EMCN: variants seen among roughly 807,000 people sequenced by gnomAD.
EMCN encodes endomucin, also known as MUC-14.
Under a neutral mutation model 38.4 loss-of-function variants are expected in EMCN, and 37 were observed. The ratio of observed to expected loss-of-function variants is 0.96; its 90% CI spans 0.74 to 1.27. The LOEUF (loss-of-function observed/expected upper bound fraction) is 1.27. EMCN is among the 50% of genes most tolerant of loss of function. EMCN has a pLI of 0.00. For synonymous variants in EMCN, 95 were observed against 100.8 expected (o/e 0.94, Z 0.35); for missense variants, 318 against 302.8 (o/e 1.05, Z -0.37).
intron 1 of EMCN, among the ~76,000 whole-genome samples, chr4:100,481,906 C>T (rs772582178): frequency 1.4e-5 from 2 of 148,088 alleles, no homozygotes; most frequent in African/African-American, 4.9e-5. Flanking sequence ...TCTTTCCTCC[C>T]TCTTTCCTTC....
At chr4:100,437,992 C>T (rs1037117412) in intron 5 of EMCN, among the ~76,000 whole-genome samples, 3 of 151,896 alleles carry the variant, frequency 2.0e-5, no homozygotes, top group African/African-American at 7.2e-5. Flanking sequence ...TGCTTTTTGA[C>T]ATTTTAACAA....
chr4:100,423,934 G>A (rs934138383), intron 5 of EMCN, among the ~76,000 whole-genome samples: 3 of 151,992 alleles, frequency 2.0e-5, no homozygotes, highest in Non-Finnish European at 4.4e-5. Context: ...CTAAAGTTCA[G>A]CAGCTGGTTT....
At chr4:100,431,174 T>C (rs753548785) in intron 5 of EMCN, among the ~76,000 whole-genome samples, 1 of 152,166 alleles carries the variant, frequency 6.6e-6, no homozygotes, top group Non-Finnish European at 1.5e-5. Flanking sequence ...TTTGTTTTTC[T>C]ATCAGATGTA....
At chr4:100,462,405 C>T (rs542175653) in intron 4 of EMCN, among the ~76,000 whole-genome samples, 1 of 152,214 alleles carries the variant, frequency 6.6e-6, no homozygotes, top group African/African-American at 2.4e-5. Context: ...TCTTAACTGA[C>T]TCATGGGCTG....
intron 1 of EMCN, among the ~76,000 whole-genome samples, chr4:100,495,006 T>TA (rs1729175056): frequency 2.2e-5 from 3 of 134,424 alleles, no homozygotes; most frequent in South Asian, 2.2e-4. Context: ...TAATGTGAAT[T>TA]TAAAAAAAAG....
At chr4:100,514,667 G>T (rs939292013) in intron 1 of EMCN, among the ~76,000 whole-genome samples, 1 of 151,874 alleles carries the variant, frequency 6.6e-6, no homozygotes, top group Non-Finnish European at 1.5e-5. Context: ...ACTTAACTAT[G>T]CCCAAATTGT....
At chr4:100,458,525 T>G (rs1728080676) in intron 4 of EMCN, among the ~76,000 whole-genome samples, 1 of 152,210 alleles carries the variant, frequency 6.6e-6, no homozygotes, top group African/African-American at 2.4e-5. Context: ...TCAACTTGTA[T>G]CACTTTTATA....
intron 2 of EMCN, among the ~76,000 whole-genome samples, chr4:100,477,476 A>G (rs1039791900): frequency 3.3e-5 from 5 of 152,208 alleles, no homozygotes; most frequent in Non-Finnish European, 7.3e-5. Context: ...AAGCTCTATC[A>G]ATCACGTCTG....
At chr4:100,454,621 C>T (rs1727958677) in intron 4 of EMCN, among the ~76,000 whole-genome samples, 1 of 152,162 alleles carries the variant, frequency 6.6e-6, no homozygotes, top group Admixed American at 6.5e-5. Flanking sequence ...GTAATCTAAA[C>T]ACAAAAGTCA....
intron 5 of EMCN, among the ~76,000 whole-genome samples, chr4:100,440,427 A>G (rs1727478517): frequency 6.6e-6 from 1 of 152,066 alleles, no homozygotes; most frequent in South Asian, 2.1e-4. Flanking sequence ...AGTTTATTAT[A>G]TCATTCTGTA....
intron 1 of EMCN, among the ~76,000 whole-genome samples, chr4:100,493,935 A>G (rs1729147750): frequency 6.6e-6 from 1 of 152,232 alleles, no homozygotes; most frequent in Non-Finnish European, 1.5e-5. Context: ...ATACTTTTTA[A>G]TTAAAAACAA....
chr4:100,508,350 G>A (rs1293472796), intron 1 of EMCN, among the ~76,000 whole-genome samples: 1 of 152,044 alleles, frequency 6.6e-6, no homozygotes, highest in Admixed American at 6.5e-5. Flanking sequence ...ATATAAGAAA[G>A]TTGTTATATT....
At chr4:100,405,873 G>A (rs1726378188) in intron 11 of EMCN, among the ~76,000 whole-genome samples, 1 of 151,442 alleles carries the variant, frequency 6.6e-6, no homozygotes, top group African/African-American at 2.4e-5. Flanking sequence ...TGGTTGGTAG[G>A]GTTTTTTTAT....
intron 2 of EMCN, among the ~76,000 whole-genome samples, chr4:100,477,878 C>T (rs192346815): frequency 2.8e-3 from 425 of 152,128 alleles, no homozygotes; most frequent in Admixed American, 5.8e-3. Flanking sequence ...ATTTAAGCCC[C>T]TCAGAGTCCT....
intron 1 of EMCN, among the ~76,000 whole-genome samples, chr4:100,482,806 C>G (rs1329009241): frequency 6.6e-6 from 1 of 152,100 alleles, no homozygotes; most frequent in Non-Finnish European, 1.5e-5. Context: ...TTGGATCAAG[C>G]TGCAAGCCTT....
rs557645951 is a variant in EMCN, at chr4:100,455,198, T to C, written c.377-7627A>G. Among the ~76,000 whole-genome samples, 3 of 152,238 alleles carry C rather than the reference T, an allele frequency of 2.0e-5. No individual in the cohort carries two copies. In the South Asian group the frequency reaches 6.2e-4, roughly 32 times the overall value. ...CAGTATTGATTTTACAACAGTATAGTTATAACCTTTCTCTCATTTTGGCAT... is the reference window on the plus strand; with the variant it reads ...CAGTATTGATTTTACAACAGTATAGCTATAACCTTTCTCTCATTTTGGCAT... On this transcript the variant is annotated intron_variant, in intron 4 of 11. Transcript: ENST00000296420.
chr4:100,471,570 C>T (rs905605707), intron 3 of EMCN, among the ~76,000 whole-genome samples: 1 of 151,938 alleles, frequency 6.6e-6, no homozygotes, highest in Non-Finnish European at 1.5e-5. Context: ...GAGAAGGGAA[C>T]ACTTCCCAAC....
chr4:100,415,403 T>A (rs1726699245), intron 10 of EMCN, among the ~76,000 whole-genome samples: 1 of 152,162 alleles, frequency 6.6e-6, no homozygotes, highest in Non-Finnish European at 1.5e-5. Flanking sequence ...TGAATATACC[T>A]AAGAAACTGG....
chr4:100,403,948 T>A (rs1726325975), intron 11 of EMCN, among the ~76,000 whole-genome samples: 1 of 152,150 alleles, frequency 6.6e-6, no homozygotes, highest in South Asian at 2.1e-4. Flanking sequence ...TTGTTTAAGT[T>A]CCTTATAGAT....
Sources: allele counts gnomAD v4.1 joint callset (sites outside exome capture counted in the v4.1 genomes callset), GRCh38; gene constraint gnomAD v4.1.1; transcripts MANE v1.5; gene names NCBI Gene and HGNC (gene_info 2026-07-23, HGNC 2026-07-21).